The following MYLK3 variants were observed in gnomAD, a reference collection of about 807,000 sequenced individuals.
MYLK3 encodes MLC kinase.
MYLK3 carries 55 observed loss-of-function variants against 76.3 expected under a neutral mutation model. The ratio of observed to expected loss-of-function variants is 0.72; its 90% confidence interval spans 0.58 to 0.90. The LOEUF (loss-of-function observed/expected upper bound fraction) is 0.90, where lower values mean the gene tolerates loss of function less well. Among genes scored for constraint, MYLK3 ranks in the 40% least tolerant of loss-of-function variants. The probability of loss-of-function intolerance (pLI) is 0.00; values close to 1 mark genes in which losing one functional copy is unlikely to be tolerated. For missense variants in MYLK3, 973 were observed against 1,053.6 expected (o/e 0.92, Z 1.06); for synonymous variants, 416 against 425.4 (o/e 0.98, Z 0.27).
At position 46,720,365 on chromosome 16, in the gene MYLK3, A is replaced by C. The variant is rs1966787118; in HGVS notation, c.1985+758T>G. On this transcript the variant is annotated intron_variant, in intron 9 of 12. Coordinates refer to ENST00000394809, the MANE Select transcript of MYLK3 (RefSeq NM_182493.3). ...CAGGTGCTCATCACCATGCTGGGCT[A>C]ATTTTTGTATTTTTTGTAGAGATGA... Among the ~76,000 whole-genome samples, 3 of 152,028 alleles carry C rather than the reference A, an allele frequency of 2.0e-5. No individual in the cohort carries two copies. The South Asian group carries it at 6.2e-4, about 32-fold the overall frequency.
At chr16:46,712,921 T>C in intron 9 of MYLK3, 145 bp from the exon 10 acceptor site, 3 of 727,302 alleles carry the variant, frequency 4.1e-6, no homozygotes, top group South Asian at 1.0e-4. Flanking sequence ...CACCTGTGAA[T>C]TACTGGGGAA....
upstream of MYLK3, among the ~76,000 whole-genome samples, chr16:46,750,394 G>C (rs1967107271): frequency 1.3e-5 from 2 of 152,204 alleles, no homozygotes; most frequent in African/African-American, 4.8e-5. Context: ...GGCAAGTCCT[G>C]GGTTAATAAA....
rs151000796 is a variant in MYLK3, at chr16:46,727,242, G to A, written c.1908C>T (p.Asp636=). ...TGCCCAGGGCAGAACCCACCTTGAGGTCCAGGTGCAGGATGTAGTGCTGGT... is the reference window on the plus strand; with the variant it reads ...TGCCCAGGGCAGAACCCACCTTGAGATCCAGGTGCAGGATGTAGTGCTGGT... ...YLHQHYILHL[D]LKPENILCVN... is the part of the protein sequence containing the mutation. The change falls in exon 8 of 13, where the codon GAC becomes GAT. Residue 636 remains aspartate, a synonymous_variant. Transcript: ENST00000394809. 8.4e-5 allele frequency: 135 copies of A among 1,613,732 alleles called. No individual in the cohort carries two copies. Among genetic ancestry groups the A allele is most frequent in the Middle Eastern group, 6.6e-4 (4 of 6,058 alleles).
At chr16:46,748,568 G>C (rs1391685798), upstream of MYLK3, among the ~76,000 whole-genome samples, 1 of 152,228 alleles carries the variant, frequency 6.6e-6, no homozygotes, top group Non-Finnish European at 1.5e-5. This position sits in a 1 kb window ranked among gnomAD's most constrained non-coding sequence, Gnocchi z 4.3. Context: ...TGGTTCGGAG[G>C]AAAGGAAAGG....
At chr16:46,753,682 G>A (rs72818807) in intron 1 of MYLK3, among the ~76,000 whole-genome samples, 1 of 152,168 alleles carries the variant, frequency 6.6e-6, no homozygotes, top group African/African-American at 2.4e-5. Flanking sequence ...AGGCCAGGGT[G>A]GGGGGCTCGA....
upstream of MYLK3, among the ~76,000 whole-genome samples, chr16:46,752,079 G>A (rs942471958): frequency 1.3e-5 from 2 of 152,020 alleles, no homozygotes; most frequent in African/African-American, 4.8e-5. Context: ...GTAAGGACAG[G>A]GCAGCGGATC....
At chr16:46,758,300 ACACACT>A (rs1230511826) in intron 1 of MYLK3, among the ~76,000 whole-genome samples, 2 of 51,332 alleles carry the variant, frequency 3.9e-5, no homozygotes, top group East Asian at 9.4e-4. Context: ...ACACACACAC[ACACACT>A]CTCTCTCTCT....
At chr16:46,747,675 CG>C in intron 1 of MYLK3, 41 bp downstream of exon 1, 1 of 1,569,920 alleles carries the variant, frequency 6.4e-7, no homozygotes, top group South Asian at 1.2e-5. Flanking sequence ...CCACCAGGGC[CG>C]GGGCCTCCCA....
chr16:46,738,860 GAC>G (rs1432212144), intron 2 of MYLK3, among the ~76,000 whole-genome samples: 1 of 152,290 alleles, frequency 6.6e-6, no homozygotes, highest in Admixed American at 6.5e-5. Context: ...TTATTTTTGA[GAC>G]AGAGTCTTGC....
At chr16:46,755,235 A>G (rs1258212958) in intron 1 of MYLK3, among the ~76,000 whole-genome samples, 2 of 151,500 alleles carry the variant, frequency 1.3e-5, no homozygotes, top group Admixed American at 6.6e-5. Flanking sequence ...TTGACGATAT[A>G]CTCCAGCAAA....
chr16:46,744,687 G>T (rs891312605), intron 1 of MYLK3, among the ~76,000 whole-genome samples: 1 of 151,922 alleles, frequency 6.6e-6, no homozygotes, highest in Non-Finnish European at 1.5e-5. Context: ...TTTGAACACT[G>T]AACTTCAGTA....
chr16:46,717,050 A>G (rs1966747746), intron 9 of MYLK3, among the ~76,000 whole-genome samples: 2 of 152,180 alleles, frequency 1.3e-5, no homozygotes, highest in South Asian at 4.1e-4. Context: ...CATTCCAGCA[A>G]ATTAAGCAAA....
upstream of MYLK3, among the ~76,000 whole-genome samples, chr16:46,752,023 C>G (rs1193908960): frequency 2.0e-5 from 3 of 152,130 alleles, no homozygotes; most frequent in Non-Finnish European, 4.4e-5. Flanking sequence ...GGTAGCTGAA[C>G]TGGATTGACA....
intron 5 of MYLK3, 128 bp downstream of exon 5, chr16:46,730,465 C>T (rs1054954909): frequency 8.1e-6 from 6 of 736,706 alleles, no homozygotes; most frequent in Non-Finnish European, 1.4e-5. Context: ...GATGTCCCAC[C>T]CCAGCCTTGG....
In MYLK3 at chr16:46,738,212, G is replaced by A. The variant is rs1354622871; in HGVS notation, c.569-69C>T. On this transcript the variant is annotated intron_variant, in intron 2 of 12. Transcript: ENST00000394809. ...GAGTCTGCCACAAAGATACTGCAAGGAATCTGCACAAGGCCATTCAGTGCT... is the reference window on the plus strand; with the variant it reads ...GAGTCTGCCACAAAGATACTGCAAGAAATCTGCACAAGGCCATTCAGTGCT... 41 of 1,334,632 alleles carry A rather than the reference G, an allele frequency of 3.1e-5. No homozygotes were observed. The South Asian group carries it at 4.8e-4, about 16-fold the overall frequency. 82.7% of individuals were successfully genotyped at this position (1,334,632 alleles called of 1,614,324 possible). A position where few individuals can be genotyped will look rare whatever the true frequency, so the allele number is the denominator to read the frequency against.
At chr16:46,755,040 C>T (rs985002707) in intron 1 of MYLK3, among the ~76,000 whole-genome samples, 1 of 151,820 alleles carries the variant, frequency 6.6e-6, no homozygotes, top group Non-Finnish European at 1.5e-5. Flanking sequence ...GGACTATGGG[C>T]GTGTGCCACT....
chr16:46,732,730 G>C, intron 3 of MYLK3, 62 bp from the exon 4 acceptor site: 2 of 1,333,886 alleles, frequency 1.5e-6, no homozygotes, highest in Non-Finnish European at 2.0e-6. Context: ...CAGAACAGAC[G>C]TGGGTTCCAA....
intron 1 of MYLK3, among the ~76,000 whole-genome samples, chr16:46,756,957 G>A (rs570849289): frequency 2.6e-5 from 4 of 152,228 alleles, no homozygotes; most frequent in African/African-American, 9.6e-5. Flanking sequence ...TGCTTGCTCA[G>A]TCACTTCATT....
chr16:46,719,395 G>T (rs1341267109), intron 9 of MYLK3, among the ~76,000 whole-genome samples: 1 of 152,106 alleles, frequency 6.6e-6, no homozygotes, highest in Admixed American at 6.5e-5. Context: ...CAGAATCCTG[G>T]AGGAATCCTA....
Sources: allele counts gnomAD v4.1 joint callset (sites outside exome capture counted in the v4.1 genomes callset), GRCh38; gene constraint gnomAD v4.1.1; non-coding constraint Gnocchi (gnomAD v3.1); transcripts MANE v1.5; gene names NCBI Gene and HGNC (gene_info 2026-07-23, HGNC 2026-07-21).